ZNF385B: variants seen among roughly 807,000 people sequenced by gnomAD.
The protein encoded by ZNF385B is zinc finger protein 533.
In ZNF385B, 23 loss-of-function variants were observed where a neutral mutation model predicts 39.2. The ratio of observed to expected loss-of-function variants is 0.59; its 90% CI spans 0.42 to 0.83. ZNF385B has a LOEUF of 0.83. ZNF385B is among the 40% of genes least tolerant of loss of function. ZNF385B has a pLI of 0.00. For synonymous variants in ZNF385B, 205 were observed against 222.6 expected (o/e 0.92, Z 0.70); for missense variants, 552 against 598.9 (o/e 0.92, Z 0.82).
intron 1 of ZNF385B, among the ~76,000 whole-genome samples, chr2:179,812,898 C>G (rs1706824677): frequency 6.6e-6 from 1 of 151,860 alleles, no homozygotes; most frequent in Admixed American, 6.6e-5. Flanking sequence ...GTTCTTTGAT[C>G]AATGTTCTAT....
chr2:179,503,812 A>C (rs2056979027), intron 5 of ZNF385B, among the ~76,000 whole-genome samples: 1 of 142,140 alleles, frequency 7.0e-6, no homozygotes, highest in South Asian at 2.2e-4. Context: ...TGAACTCATC[A>C]TTTTTTATGG....
At chr2:179,528,962 G>C (rs994335746) in intron 4 of ZNF385B, among the ~76,000 whole-genome samples, 1 of 152,182 alleles carries the variant, frequency 6.6e-6, no homozygotes, top group Non-Finnish European at 1.5e-5. Flanking sequence ...TTTTCAAAAA[G>C]TTCAGTTTAA....
intron 5 of ZNF385B, 96 bp from the exon 6 acceptor site, chr2:179,483,530 C>A: frequency 6.6e-7 from 1 of 1,510,718 alleles, no homozygotes; most frequent in Non-Finnish European, 9.1e-7. Flanking sequence ...TCATAGGCAC[C>A]ACAGACATTT....
intron 1 of ZNF385B, among the ~76,000 whole-genome samples, chr2:179,834,668 T>A (rs369402090): frequency 3.3e-5 from 5 of 152,202 alleles, no homozygotes; most frequent in African/African-American, 1.2e-4. Flanking sequence ...CTGTGGATGC[T>A]AACCTCATTA....
At chr2:179,539,271 C>G (rs1388814326) in intron 4 of ZNF385B, among the ~76,000 whole-genome samples, 1 of 152,096 alleles carries the variant, frequency 6.6e-6, no homozygotes, top group Non-Finnish European at 1.5e-5. Flanking sequence ...TCTCTATGCT[C>G]TTCTTATAGG....
At chr2:179,569,933 G>T (rs942606378) in intron 3 of ZNF385B, among the ~76,000 whole-genome samples, 2 of 152,148 alleles carry the variant, frequency 1.3e-5, no homozygotes, top group Non-Finnish European at 2.9e-5. Context: ...CCTGAACATA[G>T]TTATGCAACA....
chr2:179,810,212 G>C, intron 1 of ZNF385B, among the ~76,000 whole-genome samples: 1 of 151,864 alleles, frequency 6.6e-6, no homozygotes, highest in Admixed American at 6.6e-5. Flanking sequence ...ATTTTTAAGT[G>C]ATTGTTTTAT....
chr2:179,615,734 A>G (rs561172971), intron 3 of ZNF385B, among the ~76,000 whole-genome samples: 1 of 152,302 alleles, frequency 6.6e-6, no homozygotes, highest in South Asian at 2.1e-4. Context: ...AAAATACACA[A>G]GCCTTGACCT....
At chr2:179,776,403 C>A (rs561565005) in intron 1 of ZNF385B, among the ~76,000 whole-genome samples, 6 of 152,198 alleles carry the variant, frequency 3.9e-5, no homozygotes, top group African/African-American at 9.6e-5. Context: ...GGTGACAGGC[C>A]TGAGACTGGG....
chr2:179,824,471 T>G (rs1230870966), intron 1 of ZNF385B, among the ~76,000 whole-genome samples: 3 of 152,102 alleles, frequency 2.0e-5, no homozygotes, highest in Non-Finnish European at 2.9e-5. Flanking sequence ...CAGAACAGCA[T>G]AGCATTCACT....
chr2:179,684,476 C>T (rs1222930138), intron 3 of ZNF385B, among the ~76,000 whole-genome samples: 1 of 152,186 alleles, frequency 6.6e-6, no homozygotes, highest in Non-Finnish European at 1.5e-5. Context: ...TATTCATGTG[C>T]TACCATTATG....
rs1200788173 is a variant in ZNF385B, at chr2:179,587,230, A to G, written c.299-42261T>C. 4.6e-5 allele frequency among the ~76,000 whole-genome samples: 7 copies of G among 152,196 alleles called. No individual in the cohort carries two copies. In the East Asian group the frequency reaches 1.3e-3, roughly 29 times the overall value. ...CCACATTCTTGTTGGCAGAAGAAAT[A>G]CTTGTCTCAGATTAAGAAGTTACTC... On this transcript the variant is annotated intron_variant, in intron 3 of 9. Coordinates refer to ENST00000410066, the MANE Select transcript of ZNF385B (RefSeq NM_152520.6).
At chr2:179,783,193 C>G (rs1485025410) in intron 1 of ZNF385B, among the ~76,000 whole-genome samples, 1 of 152,140 alleles carries the variant, frequency 6.6e-6, no homozygotes, top group Non-Finnish European at 1.5e-5. Context: ...CTACAACCAT[C>G]TGATCTTTGA....
At chr2:179,578,006 G>T (rs1686035514) in intron 3 of ZNF385B, among the ~76,000 whole-genome samples, 2 of 151,764 alleles carry the variant, frequency 1.3e-5, no homozygotes, top group African/African-American at 4.8e-5. Context: ...TGCTATTATT[G>T]TTGGCTAGGC....
At chr2:179,641,597 C>A (rs72969212) in intron 3 of ZNF385B, among the ~76,000 whole-genome samples, 9,711 of 152,086 alleles carry the variant, frequency 0.064, 418 homozygotes, top group Non-Finnish European at 0.088. Context: ...CCCCTAAAAG[C>A]ATTATGTTTC....
intron 1 of ZNF385B, among the ~76,000 whole-genome samples, chr2:179,785,356 C>T (rs1290830603): frequency 6.6e-6 from 1 of 151,980 alleles, no homozygotes; most frequent in Admixed American, 6.6e-5. Flanking sequence ...AACTATACTT[C>T]AATAAAATTT....
chr2:179,750,383 G>C (rs1433964812), intron 3 of ZNF385B, among the ~76,000 whole-genome samples: 5 of 152,088 alleles, frequency 3.3e-5, no homozygotes, highest in Non-Finnish European at 7.4e-5. Context: ...ATAGAGTCAG[G>C]ATTTTGTAAA....
chr2:179,668,255 A>G (rs1304860003), intron 3 of ZNF385B, among the ~76,000 whole-genome samples: 1 of 152,214 alleles, frequency 6.6e-6, no homozygotes, highest in African/African-American at 2.4e-5. Context: ...TTTTAACCTC[A>G]AAATATTTGT....
At chr2:179,746,449 C>G (rs967145276) in intron 3 of ZNF385B, among the ~76,000 whole-genome samples, 4 of 152,048 alleles carry the variant, frequency 2.6e-5, no homozygotes. Flanking sequence ...AATCAAACAT[C>G]CTTTAACTCC....
Sources: allele counts gnomAD v4.1 joint callset (sites outside exome capture counted in the v4.1 genomes callset), GRCh38; gene constraint gnomAD v4.1.1; transcripts MANE v1.5; gene names NCBI Gene and HGNC (gene_info 2026-07-23, HGNC 2026-07-21).